IPO13: variants seen among roughly 807,000 people sequenced by gnomAD.
IPO13 encodes the protein importin-13.
In IPO13, 28 loss-of-function variants were observed where a neutral mutation model predicts 115.5. That is an observed-to-expected ratio of 0.24 (90% CI 0.18 to 0.33). IPO13 has a LOEUF of 0.33. IPO13 is among the 10% of genes least tolerant of loss of function. The probability of loss-of-function intolerance (pLI) is 1.00; values close to 1 mark genes in which losing one functional copy is unlikely to be tolerated. For synonymous variants in IPO13, 414 were observed against 478.9 expected (o/e 0.86, Z 1.77); for missense variants, 785 against 1,204.6 (o/e 0.65, Z 5.16).
Position 43,966,494 on chromosome 1 carries a change from G to A in IPO13, c.2398-81G>A. The A allele has an allele frequency of 7.0e-7, 1 of 1,434,570 alleles. No homozygotes were observed. The allele number at this position is 1,434,570 out of a possible 1,614,324, so 88.9% of individuals were successfully genotyped here. On this transcript the variant is annotated intron_variant, in intron 15 of 19. Coordinates refer to ENST00000372343, the MANE Select transcript of IPO13 (RefSeq NM_014652.4). This position sits in a 1 kb window ranked among gnomAD's most constrained non-coding sequence, Gnocchi z 4.1. The stretch of plus-strand genomic sequence containing the variant: ...GCCTCTACCTGTGAGGTGTGAAGTT[G>A]GGGGCTGGGGTGGCAGGTGAGTGGG...
At chr1:43,948,311 C>T (rs1204986024) in intron 1 of IPO13, among the ~76,000 whole-genome samples, 1 of 152,170 alleles carries the variant, frequency 6.6e-6, no homozygotes, top group African/African-American at 2.4e-5. Context: ...CTCCCAGGCT[C>T]CCCGACTGCC....
At chr1:43,951,713 A>C (rs2085210430) in intron 2 of IPO13, among the ~76,000 whole-genome samples, 1 of 152,214 alleles carries the variant, frequency 6.6e-6, no homozygotes, top group South Asian at 2.1e-4. Flanking sequence ...GGAGGTCCTG[A>C]TGCTGACATT....
chr1:43,947,848 G>A (rs183616852), intron 1 of IPO13, among the ~76,000 whole-genome samples, 164 bp downstream of exon 1: 2 of 152,304 alleles, frequency 1.3e-5, no homozygotes, highest in African/African-American at 2.4e-5. Context: ...GTGCCCTAAT[G>A]GGCTATTTTT....
intron 11 of IPO13, among the ~76,000 whole-genome samples, chr1:43,959,385 G>A (rs1557633632): frequency 6.6e-6 from 1 of 152,298 alleles, no homozygotes; most frequent in Non-Finnish European, 1.5e-5. Context: ...AGTGTGATAA[G>A]TCCTGTGGTA....
rs780639044 is a variant in IPO13, at chr1:43,956,498, C to T, written c.962+38C>T. On this transcript the variant is annotated intron_variant, in intron 3 of 19. Transcript: ENST00000372343. This position sits in a 1 kb window ranked among gnomAD's most constrained non-coding sequence, Gnocchi z 4.7. ...GCAGCTTGGGGTGGGATAGTAGGGC[C>T]CTCTAAGAAATGGGGTTCTGGAAGT... The T allele has an allele frequency of 1.2e-6, 2 of 1,613,958 alleles. No homozygotes were observed. Among genetic ancestry groups the T allele is most frequent in the East Asian group, 4.5e-5 (2 of 44,882 alleles).
At chr1:43,955,757 C>T (rs1165679881) in intron 2 of IPO13, among the ~76,000 whole-genome samples, 3 of 152,132 alleles carry the variant, frequency 2.0e-5, no homozygotes, top group African/African-American at 7.2e-5. Flanking sequence ...TAAGATTTAT[C>T]AAAAAATGTA....
At position 43,947,593 on chromosome 1, in the gene IPO13, G is replaced by A. The variant is rs1312686128; in HGVS notation, c.-8G>A. The A allele has an allele frequency of 1.5e-6, 2 of 1,307,652 alleles. No individual in the cohort carries two copies. The highest frequency in any genetic ancestry group is 2.0e-6 in the Non-Finnish European group (2 of 1,019,056). The allele number at this position is 1,307,652 out of a possible 1,614,324, so 81.0% of individuals were successfully genotyped here. A position where few individuals can be genotyped will look rare whatever the true frequency, so the allele number is the denominator to read the frequency against. The stretch of plus-strand genomic sequence containing the variant: ...AGGGCCCACCTCCCTGCCAGGGAGG[G>A]AGCAAAGATGGAGCGGCGGGAGGAG... On this transcript the variant is annotated 5_prime_UTR_variant, in exon 1 of 20. Transcript: ENST00000372343.
At chr1:43,963,896 G>C (rs2085305535) in intron 14 of IPO13, among the ~76,000 whole-genome samples, 1 of 152,116 alleles carries the variant, frequency 6.6e-6, no homozygotes, top group African/African-American at 2.4e-5. Context: ...GGAGGTATGT[G>C]CTAGGAGCAG....
intron 14 of IPO13, among the ~76,000 whole-genome samples, chr1:43,962,572 C>G (rs1360531411): frequency 1.3e-5 from 2 of 152,202 alleles, no homozygotes; most frequent in Non-Finnish European, 2.9e-5. Context: ...CCTCATGACT[C>G]CAACATTTCA....
In IPO13 at chr1:43,967,272, G is replaced by A. The variant is rs2085332056; in HGVS notation, c.2614-43G>A. 1 of 1,591,914 alleles carries A rather than the reference G, an allele frequency of 6.3e-7. No homozygotes were observed. Among genetic ancestry groups the A allele is most frequent in the Non-Finnish European group, 8.6e-7 (1 of 1,163,868 alleles). ...AGGCATTCTTGCTGCAGAAGCGGCG[G>A]AAGGGGCAACACCCTGGTGTGCTGA... On this transcript the variant is annotated intron_variant, in intron 18 of 19. Coordinates refer to ENST00000372343, the MANE Select transcript of IPO13 (RefSeq NM_014652.4). The surrounding 1 kb of genome is among the most constrained non-coding windows in gnomAD (Gnocchi z 6.1).
At position 43,967,580 on chromosome 1, in the gene IPO13, C is replaced by G. The variant is rs1203211537; in HGVS notation, c.2796-6C>G. On this transcript the variant is annotated splice_region_variant and splice_polypyrimidine_tract_variant and intron_variant, in intron 19 of 19. Coordinates refer to ENST00000372343, the MANE Select transcript of IPO13 (RefSeq NM_014652.4). This position sits in a 1 kb window ranked among gnomAD's most constrained non-coding sequence, Gnocchi z 6.1. Reference sequence around the variant, plus strand: ...GTGCTAACCTGCTCTCCCTTTTCTCCTTCAGCGAGCGAGTGAACAAGAGGC... The same window carrying G: ...GTGCTAACCTGCTCTCCCTTTTCTCGTTCAGCGAGCGAGTGAACAAGAGGC... The G allele has an allele frequency of 6.2e-7, 1 of 1,614,202 alleles. No homozygotes were observed. The highest frequency in any genetic ancestry group is 1.3e-5 in the African/African-American group (1 of 75,048).
Position 43,956,544 on chromosome 1 carries a change from C to G in IPO13, c.963-16C>G. 1.2e-6 allele frequency: 2 copies of G among 1,614,164 alleles called. No individual in the cohort carries two copies. The highest frequency in any genetic ancestry group is 1.7e-6 in the Non-Finnish European group (2 of 1,180,028). On this transcript the variant is annotated splice_polypyrimidine_tract_variant and intron_variant, in intron 3 of 19. Transcript: ENST00000372343. The surrounding 1 kb of genome is among the most constrained non-coding windows in gnomAD (Gnocchi z 4.7). The stretch of plus-strand genomic sequence containing the variant: ...GAAGTCCCTGGAAAGGTAGAATGAC[C>G]TGACTCTCTCCCCAGGGCCTTGCTG...
intron 14 of IPO13, 137 bp downstream of exon 14, chr1:43,961,399 A>G: frequency 1.3e-6 from 1 of 755,868 alleles, no homozygotes; most frequent in Non-Finnish European, 2.4e-6. Context: ...AACCTGTGAG[A>G]TCAAGCACAA....
chr1:43,967,529 CAG>C lies in IPO13; in HGVS notation c.2795+38_2795+39del. ...GAGCTGGGGTGGGCCTGGGGTCAGG[CAG>C]AGAGGGGGCAGTGGTGGTGGCTGGT... On this transcript the variant is annotated intron_variant, in intron 19 of 19. Coordinates refer to ENST00000372343, the MANE Select transcript of IPO13 (RefSeq NM_014652.4). The surrounding 1 kb of genome is among the most constrained non-coding windows in gnomAD (Gnocchi z 6.1). 4 of 1,614,080 alleles carry C rather than the reference CAG, an allele frequency of 2.5e-6. No individual in the cohort carries two copies. The highest frequency in any genetic ancestry group is 1.1e-5 in the South Asian group (1 of 91,072).
chr1:43,962,595 C>T (rs895842019), intron 14 of IPO13, among the ~76,000 whole-genome samples: 24 of 152,228 alleles, frequency 1.6e-4, no homozygotes, highest in Non-Finnish European at 2.5e-4. Flanking sequence ...CACACTGCCT[C>T]TTCCTTACCG....
chr1:43,964,499 C>T (rs1398345037), intron 15 of IPO13, among the ~76,000 whole-genome samples, 178 bp downstream of exon 15: 1 of 152,166 alleles, frequency 6.6e-6, no homozygotes, highest in African/African-American at 2.4e-5. Context: ...TCCTTTAGTG[C>T]CCCTATGCCT....
chr1:43,947,117 C>T lies in IPO13; in HGVS notation c.-484C>T, dbSNP rs531354999. The T allele has an allele frequency of 5.0e-6, 2 of 398,852 alleles. No homozygotes were observed. Among genetic ancestry groups the T allele is most frequent in the Non-Finnish European group, 8.8e-6 (2 of 226,336 alleles). The allele number at this position is 398,852 out of a possible 1,614,324, so 24.7% of individuals were successfully genotyped here. A position where few individuals can be genotyped will look rare whatever the true frequency, so the allele number is the denominator to read the frequency against. On this transcript the variant is annotated 5_prime_UTR_variant, in exon 1 of 20. The change creates a new upstream start codon in the 5' untranslated region. Transcript: ENST00000372343. ...AGCTGCATCTCCGCGCTTCGTTGGACGCCTCCGTAACCACGAAGGGCTCTC... is the reference window on the plus strand; with the variant it reads ...AGCTGCATCTCCGCGCTTCGTTGGATGCCTCCGTAACCACGAAGGGCTCTC...
rs771547347 is a variant in IPO13 at position 43,957,483 on chromosome 1, A to G, written c.1474A>G (p.Ile492Val). The change falls in exon 7 of 20, where the codon ATT becomes GTT. Residue 492 changes from isoleucine to valine, a missense_variant. Transcript: ENST00000372343. The part of the protein sequence containing the change: ...VNYSDVVPGL[I>V]GLIPRISISN... ...CTATTCTGATGTGGTGCCTGGGCTC[A>G]TTGGCCTCATCCCACGGATCAGCAT... The G allele has an allele frequency of 1.2e-6, 2 of 1,614,190 alleles. No individual in the cohort carries two copies. The highest frequency in any genetic ancestry group is 1.1e-5 in the South Asian group (1 of 91,084).
rs780886011 is a variant in IPO13 at position 43,966,518 on chromosome 1, G to T, written c.2398-57G>T. 3.2e-6 allele frequency: 5 copies of T among 1,561,014 alleles called. No individual in the cohort carries two copies. Among genetic ancestry groups the T allele is most frequent in the East Asian group, 2.2e-5 (1 of 44,528 alleles). ...TGGGGGCTGGGGTGGCAGGTGAGTG[G>T]GGGGGATGGTCCTTGGAGCTGGCTG... On this transcript the variant is annotated intron_variant, in intron 15 of 19. Transcript: ENST00000372343. The surrounding 1 kb of genome is among the most constrained non-coding windows in gnomAD (Gnocchi z 4.1).
Sources: allele counts gnomAD v4.1 joint callset (sites outside exome capture counted in the v4.1 genomes callset), GRCh38; gene constraint gnomAD v4.1.1; non-coding constraint Gnocchi (gnomAD v3.1); transcripts MANE v1.5; gene names NCBI Gene and HGNC (gene_info 2026-07-23, HGNC 2026-07-21).